The following C1QTNF9 variants were observed in gnomAD, a reference collection of about 807,000 sequenced individuals.
C1QTNF9 encodes C1q and TNF related 9.
C1QTNF9 carries 6 observed loss-of-function variants against 10.1 expected under a neutral mutation model. That is an observed-to-expected ratio of 0.59 (90% CI 0.32 to 1.17). The LOEUF (loss-of-function observed/expected upper bound fraction) is 1.17. Ranked by LOEUF, C1QTNF9 falls within the 50% of genes most tolerant of loss-of-function variation. The pLI is 0.04. For synonymous variants in C1QTNF9, 98 were observed against 163.5 expected (o/e 0.60, Z 3.06); for missense variants, 201 against 418.8 (o/e 0.48, Z 4.54).
chr13:24,316,199 C>T (rs9511193), intron 2 of C1QTNF9, 30 bp downstream of exon 2: 3 of 1,360,362 alleles, frequency 2.2e-6, no homozygotes, highest in Non-Finnish European at 3.1e-6. Context: ...GGCTGCCTTT[C>T]AACTTCTCTC....
upstream of C1QTNF9, among the ~76,000 whole-genome samples, chr13:24,307,659 G>A (rs527487406): frequency 6.6e-6 from 1 of 152,240 alleles, no homozygotes; most frequent in South Asian, 2.1e-4. Context: ...GGGGAAGGGC[G>A]GTCGCTAGGG....
chr13:24,319,071 G>C (rs548114315), intron 3 of C1QTNF9, among the ~76,000 whole-genome samples, 191 bp downstream of exon 3: 2 of 152,120 alleles, frequency 1.3e-5, no homozygotes, highest in Middle Eastern at 3.4e-3. Flanking sequence ...TCTCAACTCC[G>C]CAGGCCATAC....
intron 1 of C1QTNF9, among the ~76,000 whole-genome samples, chr13:24,311,872 A>AC (rs1014754165): frequency 5.9e-5 from 9 of 151,616 alleles, no homozygotes; most frequent in South Asian, 2.1e-4. Flanking sequence ...TGCCATGCAC[A>AC]CCCCCCCACA....
chr13:24,321,929 A>G (rs1467064404), exon 4 of C1QTNF9: 1 of 953,958 alleles, frequency 1.0e-6, no homozygotes, highest in Non-Finnish European at 1.4e-6. Flanking sequence ...GTAACTTACT[A>G]TTTTTCCAGG....
At chr13:24,315,682 A>G (rs1877994130) in intron 1 of C1QTNF9, 1 of 483,616 alleles carries the variant, frequency 2.1e-6, no homozygotes, top group Admixed American at 3.5e-5. Context: ...CTGGTTCAGA[A>G]AAGTGATTTC....
chr13:24,313,094 C>G (rs765731381), intron 1 of C1QTNF9, among the ~76,000 whole-genome samples: 1 of 152,120 alleles, frequency 6.6e-6, no homozygotes, highest in Non-Finnish European at 1.5e-5. Context: ...ATTCATGAGA[C>G]TGTATCTCTA....
intron 2 of C1QTNF9, among the ~76,000 whole-genome samples, chr13:24,316,499 C>T (rs560248976): frequency 6.6e-6 from 1 of 152,306 alleles, no homozygotes; most frequent in African/African-American, 2.4e-5. Context: ...ATGGATCCTC[C>T]CATCTCAGGT....
exon 4 of C1QTNF9, chr13:24,322,206 A>C (rs1878298989): frequency 6.3e-6 from 1 of 159,750 alleles, no homozygotes; most frequent in Admixed American, 6.4e-5. Flanking sequence ...AGCTGTAGAC[A>C]CTGCTCATTT....
chr13:24,321,997 C>T (rs1878293333), exon 4 of C1QTNF9: 2 of 542,514 alleles, frequency 3.7e-6, no homozygotes, highest in Non-Finnish European at 2.9e-6. Context: ...TTTCTTATTC[C>T]TATTATCTGA....
At chr13:24,320,839 C>T (rs1373018657) in intron 3 of C1QTNF9, among the ~76,000 whole-genome samples, 157 bp from the exon 4 acceptor site, 1 of 151,520 alleles carries the variant, frequency 6.6e-6, no homozygotes, top group Non-Finnish European at 1.5e-5. Context: ...GTGTGAGCCA[C>T]TGCACCCAGA....
upstream of C1QTNF9, among the ~76,000 whole-genome samples, chr13:24,308,798 G>A (rs1877700518): frequency 5.3e-5 from 8 of 152,342 alleles, 1 homozygote; most frequent in South Asian, 1.7e-3. Context: ...GTGCACTGCG[G>A]CATCTCGGGA....
Position 24,321,496 on chromosome 13 carries a change from C to T in C1QTNF9, c.730C>T (p.His244Tyr), listed in dbSNP as rs374534340. 223 of 1,613,612 alleles carry T rather than the reference C, an allele frequency of 1.4e-4. No individual in the cohort carries two copies. Among genetic ancestry groups the T allele is most frequent in the Non-Finnish European group, 1.7e-4 (203 of 1,179,846 alleles). Residue 244 changes from histidine to tyrosine, a missense_variant, in exon 4 of 4, where the codon CAC becomes TAC. His to Tyr is a moderately conservative substitution (Grantham distance 83). Transcript: ENST00000332018. Reference sequence around the variant, plus strand: ...TACAGCAGCGGGGAAATTCACGTGCCACATTGCTGGGGTCTATTACTTCAC... The same window carrying T: ...TACAGCAGCGGGGAAATTCACGTGCTACATTGCTGGGGTCTATTACTTCAC...
upstream of C1QTNF9, among the ~76,000 whole-genome samples, chr13:24,309,306 T>TATATATATATATATATATA (rs963863876): frequency 6.7e-5 from 9 of 134,074 alleles, 1 homozygote; most frequent in African/African-American, 2.7e-4. Flanking sequence ...TATATATATA[T>TATATATATATATATATATA]ATGAAAGAAA....
chr13:24,314,169 A>C (rs534749458), intron 1 of C1QTNF9, among the ~76,000 whole-genome samples: 23 of 152,188 alleles, frequency 1.5e-4, no homozygotes, highest in African/African-American at 5.1e-4. Flanking sequence ...GCAGATTTAC[A>C]TGGCTATCAG....
At chr13:24,308,324 G>A (rs1442394704), upstream of C1QTNF9, among the ~76,000 whole-genome samples, 2 of 152,196 alleles carry the variant, frequency 1.3e-5, no homozygotes, top group Admixed American at 6.5e-5. Flanking sequence ...GGCCGCCTGC[G>A]GTGCAGGGGT....
chr13:24,321,748 C>T (rs2138814564), exon 4 of C1QTNF9: 4 of 1,585,968 alleles, frequency 2.5e-6, no homozygotes, highest in Non-Finnish European at 3.4e-6. Context: ...CACAGGGTTC[C>T]TTCTGTTCAG....
chr13:24,308,610 G>A (rs1469223551), upstream of C1QTNF9, among the ~76,000 whole-genome samples: 1 of 152,230 alleles, frequency 6.6e-6, no homozygotes. Context: ...CCGAGCTGGG[G>A]CGAGCCCCGC....
At chr13:24,310,684 C>T (rs1270873756) in intron 1 of C1QTNF9, among the ~76,000 whole-genome samples, 10 of 151,110 alleles carry the variant, frequency 6.6e-5, no homozygotes, top group African/African-American at 1.9e-4. Flanking sequence ...GAGGCTGAGG[C>T]GGGTGGATCA....
intron 2 of C1QTNF9, among the ~76,000 whole-genome samples, chr13:24,317,100 C>A (rs1437015779): frequency 3.3e-5 from 5 of 152,182 alleles, no homozygotes; most frequent in Non-Finnish European, 7.3e-5. Context: ...CACCATCCTG[C>A]ACATCTGCTC....
Sources: allele counts gnomAD v4.1 joint callset (sites outside exome capture counted in the v4.1 genomes callset), GRCh38; gene constraint gnomAD v4.1.1; transcripts MANE v1.5; gene names NCBI Gene and HGNC (gene_info 2026-07-23, HGNC 2026-07-21).